Variants in XKR9 observed in about 807,000 individuals in gnomAD.
XKR9 encodes the protein XK related 9, also known as XK-related protein 9.
A neutral mutation model predicts 32.0 loss-of-function variants in XKR9; 32 were observed. The observed-to-expected ratio is 1.00, with a 90% CI of 0.76 to 1.34. The LOEUF is 1.34. Among genes scored for constraint, XKR9 ranks in the 40% most tolerant of loss-of-function variants. The pLI is 0.00. For missense variants in XKR9, 546 were observed against 429.7 expected (o/e 1.27, Z -2.39); for synonymous variants, 168 against 143.4 (o/e 1.17, Z -1.22).
chr8:70,761,527 C>T (rs1205932273), intron 2 of XKR9, among the ~76,000 whole-genome samples: 1 of 151,498 alleles, frequency 6.6e-6, no homozygotes, highest in Non-Finnish European at 1.5e-5. Context: ...GTCTGTTCAC[C>T]CCACCTTTTA....
At chr8:70,722,450 A>G (rs1027042024) in intron 4 of XKR9, among the ~76,000 whole-genome samples, 1 of 151,950 alleles carries the variant, frequency 6.6e-6, no homozygotes, top group Non-Finnish European at 1.5e-5. Flanking sequence ...TTTCCTTTCC[A>G]TATTTAGTGC....
At chr8:70,840,141 C>G in the XKR9 span, among the ~76,000 whole-genome samples, 1 of 152,056 alleles carries the variant, frequency 6.6e-6, no homozygotes, top group Non-Finnish European at 1.5e-5. Context: ...CAGCAGTGAC[C>G]TTGATGGGGC....
At chr8:70,804,800 T>A in the XKR9 span, among the ~76,000 whole-genome samples, 1 of 152,242 alleles carries the variant, frequency 6.6e-6, no homozygotes, top group Admixed American at 6.5e-5. Flanking sequence ...ATCATTTTTG[T>A]CTTTACTTCA....
At chr8:70,905,941 G>T in the XKR9 span, among the ~76,000 whole-genome samples, 5 of 152,236 alleles carry the variant, frequency 3.3e-5, no homozygotes, top group Non-Finnish European at 5.9e-5. Flanking sequence ...CTGCAGAACA[G>T]CAAATATTGC....
chr8:71,058,356 G>C, the XKR9 span, among the ~76,000 whole-genome samples: 1 of 152,144 alleles, frequency 6.6e-6, no homozygotes, highest in Non-Finnish European at 1.5e-5. Flanking sequence ...CAGCCAAGTA[G>C]GGTTAGTCTG....
In XKR9 at chr8:70,734,431, C is replaced by A. The variant is rs751039777; in HGVS notation, c.*7C>A. ...ATATTTCCTAATGGAATAAGCTATT[C>A]ATTTATGATATATATTTTCTTATAT... On this transcript the variant is annotated 3_prime_UTR_variant, in exon 5 of 5. Transcript: ENST00000408926. 2.2e-5 allele frequency: 33 copies of A among 1,519,898 alleles called. No homozygotes were observed. The highest frequency in any genetic ancestry group is 2.6e-5 in the Non-Finnish European group (30 of 1,146,238). 94.2% of individuals were successfully genotyped at this position (1,519,898 alleles called of 1,614,324 possible).
the XKR9 span, among the ~76,000 whole-genome samples, chr8:70,963,416 T>G: frequency 2.0e-5 from 3 of 152,332 alleles, no homozygotes; most frequent in East Asian, 5.8e-4. Flanking sequence ...TGAGTAGTAC[T>G]GCAATGAGCA....
chr8:70,901,681 A>T, the XKR9 span, among the ~76,000 whole-genome samples: 1 of 152,060 alleles, frequency 6.6e-6, no homozygotes, highest in South Asian at 2.1e-4. Flanking sequence ...CCAATTTGTC[A>T]ATTTTGTCTT....
intron 3 of XKR9, among the ~76,000 whole-genome samples, chr8:70,682,804 G>A (rs1586809126): frequency 6.6e-6 from 1 of 152,274 alleles, no homozygotes; most frequent in South Asian, 2.1e-4. Context: ...CTATGGTGTA[G>A]TTTCAAAATT....
the XKR9 span, among the ~76,000 whole-genome samples, chr8:70,968,457 C>T: frequency 6.6e-6 from 1 of 152,212 alleles, no homozygotes; most frequent in Non-Finnish European, 1.5e-5. Flanking sequence ...CCATCTCAGC[C>T]TCAGCCCAGT....
chr8:70,712,567 A>G (rs1805954942), intron 4 of XKR9, among the ~76,000 whole-genome samples: 1 of 152,144 alleles, frequency 6.6e-6, no homozygotes, highest in African/African-American at 2.4e-5. Context: ...GGGTAAGAGT[A>G]AAGTTACCTA....
chr8:71,041,548 A>G, the XKR9 span, among the ~76,000 whole-genome samples: 1 of 152,146 alleles, frequency 6.6e-6, no homozygotes, highest in Admixed American at 6.5e-5. Context: ...TTAGACTCTG[A>G]TATGGTTTGG....
chr8:71,051,522 TGGTGG>T, the XKR9 span, among the ~76,000 whole-genome samples: 6 of 72,646 alleles, frequency 8.3e-5, no homozygotes, highest in African/African-American at 1.9e-4. Context: ...GCGGTGGTGG[TGGTGG>T]GGTGTGTGTG....
At chr8:70,955,588 G>C in the XKR9 span, among the ~76,000 whole-genome samples, 1 of 152,192 alleles carries the variant, frequency 6.6e-6, no homozygotes, top group Non-Finnish European at 1.5e-5. Flanking sequence ...TCTGTCACAG[G>C]ATCCCTTAGG....
intron 2 of XKR9, among the ~76,000 whole-genome samples, chr8:70,747,625 TTTG>T (rs1402645369): frequency 6.6e-6 from 1 of 152,188 alleles, no homozygotes; most frequent in Non-Finnish European, 1.5e-5. Flanking sequence ...AAGAAACACA[TTTG>T]TTTCTTTATA....
intron 3 of XKR9, among the ~76,000 whole-genome samples, chr8:70,694,624 G>A (rs919949082): frequency 1.3e-5 from 2 of 152,208 alleles, no homozygotes; most frequent in Non-Finnish European, 2.9e-5. Flanking sequence ...GAATGGCTAA[G>A]GTGCCTGAAT....
intron 4 of XKR9, among the ~76,000 whole-genome samples, chr8:70,710,112 G>A (rs962814114): frequency 6.6e-6 from 1 of 152,044 alleles, no homozygotes; most frequent in Admixed American, 6.6e-5. Context: ...AATGGAACAG[G>A]TTAGAAAGCT....
chr8:71,013,851 A>G, the XKR9 span, among the ~76,000 whole-genome samples: 14 of 152,208 alleles, frequency 9.2e-5, no homozygotes, highest in Admixed American at 5.9e-4. Flanking sequence ...ATGGTGAAAG[A>G]AAGACTTTAA....
rs1806824097 is a variant in XKR9 at position 70,735,165 on chromosome 8, G to A, written c.*741G>A. On this transcript the variant is annotated 3_prime_UTR_variant, in exon 5 of 5. Transcript: ENST00000408926. ...ATCACTTTGAGTGTACAGTTCATCAGTGTTAACTGTATTCACCTTGTGCAA... is the reference window on the plus strand; with the variant it reads ...ATCACTTTGAGTGTACAGTTCATCAATGTTAACTGTATTCACCTTGTGCAA... The A allele has an allele frequency of 6.6e-6, 1 of 151,920 alleles. No individual in the cohort carries two copies. The highest frequency in any genetic ancestry group is 1.5e-5 in the Non-Finnish European group (1 of 67,988). The allele number at this position is 151,920 out of a possible 1,614,324, so 9.4% of individuals were successfully genotyped here. A position where few individuals can be genotyped will look rare whatever the true frequency, so the allele number is the denominator to read the frequency against.
Sources: gnomAD v4.1 joint callset for allele counts (sites outside exome capture counted in the v4.1 genomes callset) on GRCh38, gnomAD v4.1.1 for gene constraint, MANE v1.5 for transcripts, NCBI Gene and HGNC (gene_info 2026-07-23, HGNC 2026-07-21) for gene names.